DNER: variants seen among roughly 807,000 people sequenced by gnomAD.
The protein encoded by DNER is delta/notch like EGF repeat containing.
Under a neutral mutation model 78.2 loss-of-function variants are expected in DNER, and 33 were observed. That is an observed-to-expected ratio of 0.42 (90% CI 0.32 to 0.56). The LOEUF (loss-of-function observed/expected upper bound fraction) is 0.56, where lower values mean the gene tolerates loss of function less well. DNER is among the 20% of genes least tolerant of loss of function. DNER has a pLI of 0.11. For synonymous variants in DNER, 417 were observed against 384.8 expected (o/e 1.08, Z -0.98); for missense variants, 918 against 975.3 (o/e 0.94, Z 0.78).
At chr2:229,681,821 G>A (rs116588076) in intron 1 of DNER, among the ~76,000 whole-genome samples, 26 of 107,050 alleles carry the variant, frequency 2.4e-4, no homozygotes, top group African/African-American at 7.6e-4. Context: ...GTATACCTCT[G>A]CCTAAAACAC....
chr2:229,608,594 G>C (rs539934819), intron 1 of DNER, among the ~76,000 whole-genome samples: 35 of 152,264 alleles, frequency 2.3e-4, no homozygotes, highest in African/African-American at 8.2e-4. Context: ...TGGGAAAAAA[G>C]CAAGTTGTGA....
At chr2:229,478,917 T>C (rs1476740786) in intron 6 of DNER, among the ~76,000 whole-genome samples, 1 of 152,026 alleles carries the variant, frequency 6.6e-6, no homozygotes, top group African/African-American at 2.4e-5. Flanking sequence ...ATCACCTAGG[T>C]ATTAAGCCCA....
At chr2:229,687,161 A>C (rs1205357333) in intron 1 of DNER, among the ~76,000 whole-genome samples, 1 of 152,168 alleles carries the variant, frequency 6.6e-6, no homozygotes, top group Non-Finnish European at 1.5e-5. Flanking sequence ...CCATTATTTA[A>C]ACATTCTCCT....
chr2:229,689,634 A>G (rs1212460185), intron 1 of DNER, among the ~76,000 whole-genome samples: 2 of 152,242 alleles, frequency 1.3e-5, no homozygotes, highest in Non-Finnish European at 2.9e-5. Flanking sequence ...ATCCACACAC[A>G]GGCACATTCC....
intron 1 of DNER, among the ~76,000 whole-genome samples, chr2:229,701,129 G>A (rs1699739877): frequency 6.6e-6 from 1 of 152,222 alleles, no homozygotes; most frequent in Non-Finnish European, 1.5e-5. Context: ...CCGAAGAAAG[G>A]GAAGGGAAGG....
At chr2:229,482,291 T>C (rs1040305121) in intron 6 of DNER, among the ~76,000 whole-genome samples, 5 of 152,238 alleles carry the variant, frequency 3.3e-5, no homozygotes, top group African/African-American at 1.2e-4. Context: ...GCCCAGCCCC[T>C]GTCTTCACTG....
At chr2:229,487,766 A>G (rs1041671094) in intron 6 of DNER, among the ~76,000 whole-genome samples, 7 of 152,226 alleles carry the variant, frequency 4.6e-5, no homozygotes, top group Admixed American at 4.6e-4. Context: ...AACAGTTCTT[A>G]CCTTCAGGGA....
At chr2:229,408,409 C>T (rs187400622) in intron 9 of DNER, among the ~76,000 whole-genome samples, 1 of 152,162 alleles carries the variant, frequency 6.6e-6, no homozygotes, top group East Asian at 1.9e-4. Flanking sequence ...TCTCTCTCTC[C>T]TCCTCCTGCC....
chr2:229,709,906 G>A (rs971385011), intron 1 of DNER, among the ~76,000 whole-genome samples: 10 of 152,148 alleles, frequency 6.6e-5, no homozygotes, highest in Admixed American at 2.0e-4. Context: ...AGGAGTTTCT[G>A]TATCACTCAC....
intron 10 of DNER, among the ~76,000 whole-genome samples, chr2:229,396,678 G>A (rs1035846581): frequency 3.9e-5 from 6 of 152,184 alleles, no homozygotes; most frequent in African/African-American, 1.4e-4. Context: ...AGGAAAAAGT[G>A]AAATATTAAA....
Position 229,582,695 on chromosome 2 carries a change from A to G in DNER, c.847+3163T>C, listed in dbSNP as rs535113387. On this transcript the variant is annotated intron_variant, in intron 4 of 12. Coordinates refer to ENST00000341772, the MANE Select transcript of DNER (RefSeq NM_139072.4). ...CACTCTGCTGCCCAGGCTAGAGTGC[A>G]GTGGCGTGATCTTGGCTCACTGCAA... is the stretch of plus-strand genomic sequence containing the variant. 9.9e-4 allele frequency among the ~76,000 whole-genome samples: 150 copies of G among 152,266 alleles called. 1 individual carries two copies. Among genetic ancestry groups the G allele is most frequent in the African/African-American group, 2.9e-3 (122 of 41,558 alleles).
intron 8 of DNER, among the ~76,000 whole-genome samples, chr2:229,446,862 T>G (rs1417354148): frequency 6.6e-6 from 1 of 152,224 alleles, no homozygotes; most frequent in African/African-American, 2.4e-5. Flanking sequence ...ATTCTGAATG[T>G]ATTGCACCGT....
chr2:229,378,416 G>A, intron 11 of DNER, among the ~76,000 whole-genome samples: 1 of 152,196 alleles, frequency 6.6e-6, no homozygotes, highest in Admixed American at 6.5e-5. Context: ...ATAGGGAACA[G>A]CATGGGTGAA....
chr2:229,516,968 G>A (rs750724417), intron 5 of DNER, among the ~76,000 whole-genome samples: 3 of 150,576 alleles, frequency 2.0e-5, no homozygotes, highest in African/African-American at 7.3e-5. Flanking sequence ...AAAATTAGCT[G>A]GGCGTGGTGG....
At chr2:229,675,946 ATCTCAGGAGGG>A (rs1699294580) in intron 1 of DNER, among the ~76,000 whole-genome samples, 1 of 152,142 alleles carries the variant, frequency 6.6e-6, no homozygotes, top group African/African-American at 2.4e-5. Flanking sequence ...CATCGGGGAC[ATCTCAGGAGGG>A]TTTCCAGGAG....
intron 7 of DNER, among the ~76,000 whole-genome samples, chr2:229,464,944 C>G (rs1694774338): frequency 6.6e-6 from 1 of 152,114 alleles, no homozygotes; most frequent in South Asian, 2.1e-4. Context: ...TGAACAACAA[C>G]AAGAAGTCAG....
chr2:229,611,298 T>A lies in DNER; in HGVS notation c.277-19410A>T, dbSNP rs115238441. Among the ~76,000 whole-genome samples the A allele has an allele frequency of 6.7e-3, 1,014 of 152,376 alleles. 6 individuals carry two copies. The highest frequency in any genetic ancestry group is 0.022 in the African/African-American group (927 of 41,588). ...ACTTAATAAAAAGAACCATTAGCAA[T>A]GCCTTTTGGCCTGAAGCACTATAAA... On this transcript the variant is annotated intron_variant, in intron 1 of 12. Coordinates refer to ENST00000341772, the MANE Select transcript of DNER (RefSeq NM_139072.4).
At chr2:229,376,974 A>G (rs554084480) in intron 11 of DNER, among the ~76,000 whole-genome samples, 2 of 152,168 alleles carry the variant, frequency 1.3e-5, no homozygotes, top group Non-Finnish European at 2.9e-5. Flanking sequence ...ATCTATTGTT[A>G]AAGGAAGAGG....
intron 1 of DNER, among the ~76,000 whole-genome samples, chr2:229,662,701 T>C (rs561018016): frequency 6.6e-6 from 1 of 152,290 alleles, no homozygotes; most frequent in African/African-American, 2.4e-5. Context: ...CTCTGGCCTC[T>C]GCTGACCAGA....
Sources: allele counts gnomAD v4.1 joint callset (sites outside exome capture counted in the v4.1 genomes callset), GRCh38; gene constraint gnomAD v4.1.1; transcripts MANE v1.5; gene names NCBI Gene and HGNC (gene_info 2026-07-23, HGNC 2026-07-21).